Variants in MRGPRF observed in about 807,000 individuals in gnomAD.
MRGPRF encodes MAS related GPR family member F.
In MRGPRF, 2 loss-of-function variants were observed where a neutral mutation model predicts 3.3. The ratio of observed to expected loss-of-function variants is 0.61; its 90% CI spans 0.25 to 1.92. The LOEUF is 1.92. MRGPRF is among the 40% of genes most tolerant of loss of function. The pLI is 0.16. For missense variants in MRGPRF, 500 were observed against 476.0 expected (o/e 1.05, Z -0.47); for synonymous variants, 242 against 222.7 (o/e 1.09, Z -0.77).
chr11:69,011,856 G>A (rs1166798273), intron 1 of MRGPRF, among the ~76,000 whole-genome samples: 1 of 152,212 alleles, frequency 6.6e-6, no homozygotes, highest in Non-Finnish European at 1.5e-5. Flanking sequence ...GTGCCCCAAA[G>A]GCAGTGGGCT....
intron 1 of MRGPRF, chr11:69,012,323 GGGC>G (rs1860615395): frequency 6.6e-6 from 1 of 152,254 alleles, no homozygotes; most frequent in Non-Finnish European, 1.5e-5. Context: ...GACGCCGCTG[GGGC>G]TGTCCCAGCC....
Position 69,004,925 on chromosome 11 carries a change from A to G in MRGPRF, c.*353T>C. On this transcript the variant is annotated 3_prime_UTR_variant, in exon 3 of 3. Coordinates refer to ENST00000309099, the MANE Select transcript of MRGPRF (RefSeq NM_145015.5). ...GGTGCTGGCTGGGACACAGTCAAGG[A>G]GGGCTGACCCAAGAGGCAGAGGTGG... The G allele has an allele frequency of 4.0e-6, 1 of 250,682 alleles. No individual in the cohort carries two copies. Among genetic ancestry groups the G allele is most frequent in the Non-Finnish European group, 7.6e-6 (1 of 131,410 alleles). 15.5% of individuals were successfully genotyped at this position (250,682 alleles called of 1,614,324 possible).
At chr11:69,013,409 C>G (rs1306849023), upstream of MRGPRF, 1 of 152,672 alleles carries the variant, frequency 6.5e-6, no homozygotes, top group Admixed American at 6.5e-5. Context: ...GGGAACTCAT[C>G]TCTCCGCCTG....
Position 69,005,288 on chromosome 11 carries a change from T to G in MRGPRF, c.1022A>C (p.Asn341Thr), listed in dbSNP as rs1860446310. 6.7e-7 allele frequency: 1 copy of G among 1,500,136 alleles called. No homozygotes were observed. The highest frequency in any genetic ancestry group is 8.9e-7 in the Non-Finnish European group (1 of 1,128,992). 92.9% of individuals were successfully genotyped at this position (1,500,136 alleles called of 1,614,324 possible). A position where few individuals can be genotyped will look rare whatever the true frequency, so the allele number is the denominator to read the frequency against. Residue 341 changes from asparagine to threonine, a missense_variant, in exon 3 of 3, where the codon AAC becomes ACC. Asn to Thr is a moderately conservative substitution (Grantham distance 65). Transcript: ENST00000309099. Reference sequence around the variant, plus strand: ...CCAGGCGCTGGAGTCTCAGGAGGCGTTCCCCGGGGGACACTGCATCTCCAT... The same window carrying G: ...CCAGGCGCTGGAGTCTCAGGAGGCGGTCCCCGGGGGACACTGCATCTCCAT... ...VTMEMQCPPGNAS is the reference protein window; with the variant it reads ...VTMEMQCPPGTAS
chr11:69,005,506 C>A lies in MRGPRF; in HGVS notation c.804G>T (p.Pro268=), dbSNP rs1422999419. 1 of 1,579,706 alleles carries A rather than the reference C, an allele frequency of 6.3e-7. No individual in the cohort carries two copies. Among genetic ancestry groups the A allele is most frequent in the Non-Finnish European group, 8.6e-7 (1 of 1,163,118 alleles). ...DWFLFWVFQI[P]APFPEYVTDL... is the part of the protein sequence containing the mutation. Reference sequence around the variant, plus strand: ...CAGTGACGTACTCGGGGAAGGGGGCCGGGATCTGGAAGACCCAGAAGAGGA... The same window carrying A: ...CAGTGACGTACTCGGGGAAGGGGGCAGGGATCTGGAAGACCCAGAAGAGGA... The change falls in exon 3 of 3, where the codon CCG becomes CCT. Residue 268 remains proline (P), a synonymous_variant. Coordinates refer to ENST00000309099, the MANE Select transcript of MRGPRF (RefSeq NM_145015.5).
At chr11:69,007,660 C>T (rs1399436227) in intron 2 of MRGPRF, among the ~76,000 whole-genome samples, 1 of 152,094 alleles carries the variant, frequency 6.6e-6, no homozygotes, top group African/African-American at 2.4e-5. Flanking sequence ...AATGTTTCAA[C>T]AAACACGAAA....
intron 1 of MRGPRF, among the ~76,000 whole-genome samples, chr11:69,011,736 C>T (rs1327278400): frequency 3.9e-5 from 6 of 152,210 alleles, no homozygotes; most frequent in African/African-American, 1.4e-4. Flanking sequence ...CCCTTCTGGA[C>T]ACCCACCACC....
Position 69,005,459 on chromosome 11 carries a change from C to T in MRGPRF, c.851G>A (p.Ser284Asn), listed in dbSNP as rs766777260. Residue 284 changes from serine (S) to asparagine (N), a missense_variant, in exon 3 of 3, where the codon AGC becomes AAC. Ser to Asn is a conservative substitution (Grantham distance 46). Coordinates refer to ENST00000309099, the MANE Select transcript of MRGPRF (RefSeq NM_145015.5). ...YVTDLCICINSSAKPIVYFLA... is the reference protein window; with the variant it reads ...YVTDLCICINNSAKPIVYFLA... ...GAAGTAGACGATGGGCTTGGCGCTG[C>T]TGTTGATGCAGATGCACAGGTCAGT... The T allele has an allele frequency of 1.3e-6, 2 of 1,588,530 alleles. No homozygotes were observed. Among genetic ancestry groups the T allele is most frequent in the East Asian group, 4.6e-5 (2 of 43,560 alleles).
Position 69,009,814 on chromosome 11 carries a change from C to T in MRGPRF, c.48+40G>A, listed in dbSNP as rs556688255. 2.6e-5 allele frequency: 41 copies of T among 1,600,008 alleles called. No individual in the cohort carries two copies. The African/African-American group carries it at 3.3e-4, about 13-fold the overall frequency. ...TGGGTCTGCCCCTCCCACCCACACC[C>T]GTCTGGGCAAGACCAGGGCCCTCCG... On this transcript the variant is annotated intron_variant, in intron 2 of 2. Coordinates refer to ENST00000309099, the MANE Select transcript of MRGPRF (RefSeq NM_145015.5).
chr11:69,007,644 T>C (rs1860515963), intron 2 of MRGPRF, among the ~76,000 whole-genome samples: 1 of 152,194 alleles, frequency 6.6e-6, no homozygotes, highest in Non-Finnish European at 1.5e-5. Context: ...TCTTGCAAAA[T>C]CTTGCAATGT....
intron 2 of MRGPRF, among the ~76,000 whole-genome samples, chr11:69,008,914 G>T (rs751788022): frequency 6.6e-6 from 1 of 152,212 alleles, no homozygotes; most frequent in Non-Finnish European, 1.5e-5. Context: ...GGGGGAGGCC[G>T]GGTGAGTCAC....
At chr11:69,010,000 C>A (rs1422336858) in intron 1 of MRGPRF, 43 bp from the exon 2 acceptor site, 16 of 1,353,760 alleles carry the variant, frequency 1.2e-5, no homozygotes, top group Non-Finnish European at 1.5e-5. Flanking sequence ...ACAGCAGGGA[C>A]CCCTCCCCTT....
intron 2 of MRGPRF, among the ~76,000 whole-genome samples, chr11:69,007,506 C>A (rs975337992): frequency 6.6e-6 from 1 of 152,192 alleles, no homozygotes; most frequent in African/African-American, 2.4e-5. Flanking sequence ...CCGCACCCAG[C>A]CTTGCAATTT....
At chr11:69,008,337 T>G (rs1860528203) in intron 2 of MRGPRF, among the ~76,000 whole-genome samples, 1 of 152,066 alleles carries the variant, frequency 6.6e-6, no homozygotes. Flanking sequence ...GCATCTCCCC[T>G]CAAAGGCTGG....
chr11:69,006,738 C>T (rs774129198), intron 2 of MRGPRF, among the ~76,000 whole-genome samples: 30 of 151,010 alleles, frequency 2.0e-4, no homozygotes, highest in Non-Finnish European at 3.5e-4. Flanking sequence ...ATTCTCCTGC[C>T]TCAGCCTCCT....
rs1860475967 is a variant in MRGPRF, at chr11:69,005,990, A to G, written c.320T>C (p.Phe107Ser). 1 of 1,565,748 alleles carries G rather than the reference A, an allele frequency of 6.4e-7. No homozygotes were observed. The change falls in exon 3 of 3, where the codon TTC becomes TCC. Residue 107 changes from phenylalanine (F) to serine (S), a missense_variant. By Grantham distance (155) the Phe-to-Ser change is radical. Transcript: ENST00000309099. ...GATGTAGTCGGCAAACGTGCCCAGG[A>G]AGCCCCCCGTGTTCAGGATGGAGAA... Reference protein sequence around the residue: ...AVFSILNTGGFLGTFADYIRS... With the variant: ...AVFSILNTGGSLGTFADYIRS...
rs1860435223 is a variant in MRGPRF at position 69,004,786 on chromosome 11, T to C, written c.*492A>G. ...CAGAAAGACTTAGCTACAAGGCATG[T>C]GAACCAGAACTTTCTTCCAGACACC... On this transcript the variant is annotated 3_prime_UTR_variant, in exon 3 of 3. Transcript: ENST00000309099. 1 of 154,286 alleles carries C rather than the reference T, an allele frequency of 6.5e-6. No individual in the cohort carries two copies. The highest frequency in any genetic ancestry group is 6.5e-5 in the Admixed American group (1 of 15,344). 9.6% of individuals were successfully genotyped at this position (154,286 alleles called of 1,614,324 possible).
chr11:69,005,928 G>T lies in MRGPRF; in HGVS notation c.382C>A (p.Leu128Ile). Reference sequence around the variant, plus strand: ...GCCGGCAGGAGGCTCACGCCGGTAAGGAACATGCAGAGCCCCAGGACCCGG... The same window carrying T: ...GCCGGCAGGAGGCTCACGCCGGTAATGAACATGCAGAGCCCCAGGACCCGG... ...VCRVLGLCMF[L>I]TGVSLLPAVS... Residue 128 changes from leucine to isoleucine, a missense_variant, in exon 3 of 3, where the codon CTT (leucine) becomes ATT (isoleucine). By Grantham distance (5) the Leu-to-Ile change is conservative (BLOSUM62 2). Coordinates refer to ENST00000309099, the MANE Select transcript of MRGPRF (RefSeq NM_145015.5). 1 of 1,576,102 alleles carries T rather than the reference G, an allele frequency of 6.3e-7. No individual in the cohort carries two copies. Among genetic ancestry groups the T allele is most frequent in the Non-Finnish European group, 8.6e-7 (1 of 1,161,672 alleles).
chr11:69,004,896 G>T lies in MRGPRF; in HGVS notation c.*382C>A. Reference sequence around the variant, plus strand: ...CTGAATGGCAGGGATGAGGCTGCTGGCCTGGTGCTGGCTGGGACACAGTCA... The same window carrying T: ...CTGAATGGCAGGGATGAGGCTGCTGTCCTGGTGCTGGCTGGGACACAGTCA... On this transcript the variant is annotated 3_prime_UTR_variant, in exon 3 of 3. Coordinates refer to ENST00000309099, the MANE Select transcript of MRGPRF (RefSeq NM_145015.5). The T allele has an allele frequency of 4.6e-6, 1 of 217,088 alleles. No individual in the cohort carries two copies. Among genetic ancestry groups the T allele is most frequent in the Non-Finnish European group, 9.0e-6 (1 of 110,850 alleles). The allele number at this position is 217,088 out of a possible 1,614,324, so 13.4% of individuals were successfully genotyped here. A position where few individuals can be genotyped will look rare whatever the true frequency, so the allele number is the denominator to read the frequency against.
Sources: gnomAD v4.1 joint callset for allele counts (sites outside exome capture counted in the v4.1 genomes callset) on GRCh38, gnomAD v4.1.1 for gene constraint, MANE v1.5 for transcripts, NCBI Gene and HGNC (gene_info 2026-07-23, HGNC 2026-07-21) for gene names.